Variants in PDE7B observed in about 807,000 individuals in gnomAD.
The protein encoded by PDE7B is 3',5'-cyclic-AMP phosphodiesterase 7B.
PDE7B carries 29 observed loss-of-function variants against 56.2 expected under a neutral mutation model. The observed-to-expected ratio is 0.52, with a 90% confidence interval of 0.38 to 0.70. The LOEUF is 0.70. PDE7B is among the 30% of genes least tolerant of loss of function. PDE7B has a pLI of 0.00. For missense variants in PDE7B, 490 were observed against 565.0 expected, an observed-to-expected ratio of 0.87 and a Z score of 1.35; for synonymous variants, 197 against 196.9, an observed-to-expected ratio of 1.00 and a Z score of 0.00.
chr6:136,020,993 T>C (rs1351540200), intron 2 of PDE7B, among the ~76,000 whole-genome samples: 2 of 152,224 alleles, frequency 1.3e-5, no homozygotes, highest in African/African-American at 4.8e-5. Flanking sequence ...GCTACGTCTT[T>C]CTGATCTATT....
chr6:136,081,815 C>T (rs1370038014), intron 2 of PDE7B, among the ~76,000 whole-genome samples: 1 of 152,190 alleles, frequency 6.6e-6, no homozygotes, highest in East Asian at 1.9e-4. Context: ...CAAACTTCTT[C>T]ATTAGTCCAT....
chr6:136,144,688 A>G lies in PDE7B; in HGVS notation c.167-2663A>G, dbSNP rs1022407751. Among the ~76,000 whole-genome samples, 4 of 140,780 alleles carry G rather than the reference A, an allele frequency of 2.8e-5. No individual in the cohort carries two copies. The East Asian group carries it at 6.5e-4, about 23-fold the overall frequency. 92.4% of individuals were successfully genotyped at this position (140,780 alleles called of 152,430 possible). A position where few individuals can be genotyped will look rare whatever the true frequency, so the allele number is the denominator to read the frequency against. On this transcript the variant is annotated intron_variant, in intron 3 of 12. Coordinates refer to ENST00000308191, the MANE Select transcript of PDE7B (RefSeq NM_018945.4). ...CTCTGGTATTCATTATTATGAAACA[A>G]TACCTAAGGCTGTCTTTGTCTTTCA...
intron 2 of PDE7B, among the ~76,000 whole-genome samples, chr6:136,026,395 G>A (rs905750165): frequency 2.6e-5 from 4 of 152,188 alleles, no homozygotes; most frequent in African/African-American, 9.6e-5. Flanking sequence ...GACCCAGGTG[G>A]CAGTGAAGAT....
chr6:136,087,609 G>T (rs188287427), intron 2 of PDE7B, among the ~76,000 whole-genome samples: 5 of 152,258 alleles, frequency 3.3e-5, no homozygotes, highest in Non-Finnish European at 7.4e-5. Context: ...CATTAACCTA[G>T]ATAAGCAATT....
chr6:136,068,199 G>A (rs1776978853), intron 2 of PDE7B, among the ~76,000 whole-genome samples: 1 of 152,182 alleles, frequency 6.6e-6, no homozygotes. Flanking sequence ...TTGGTTTTGA[G>A]CATTTTAACA....
intron 9 of PDE7B, among the ~76,000 whole-genome samples, chr6:136,174,258 C>G (rs770420009): frequency 6.6e-6 from 1 of 152,090 alleles, no homozygotes; most frequent in Non-Finnish European, 1.5e-5. Context: ...AAGAAGGAAC[C>G]CAGGCATTCT....
chr6:136,128,653 T>C (rs964713682), intron 3 of PDE7B, among the ~76,000 whole-genome samples: 4 of 152,154 alleles, frequency 2.6e-5, no homozygotes, highest in African/African-American at 9.7e-5. Context: ...CTAGGGATTA[T>C]AGGTAAATAA....
In PDE7B at chr6:136,086,935, G is replaced by A. The variant is rs559516976; in HGVS notation, c.83-21796G>A. 3.9e-5 allele frequency among the ~76,000 whole-genome samples: 6 copies of A among 152,266 alleles called. 1 individual carries two copies. The South Asian group carries it at 1.2e-3, about 32-fold the overall frequency. On this transcript the variant is annotated intron_variant, in intron 2 of 12. Transcript: ENST00000308191. Reference sequence around the variant, plus strand: ...GAACGTGCCAATCACCACACAAACTGTGGGCATCGTGCGCCAGATTCTGGG... The same window carrying A: ...GAACGTGCCAATCACCACACAAACTATGGGCATCGTGCGCCAGATTCTGGG...
intron 2 of PDE7B, among the ~76,000 whole-genome samples, chr6:136,100,824 G>C (rs1777549030): frequency 6.6e-6 from 1 of 152,198 alleles, no homozygotes; most frequent in Non-Finnish European, 1.5e-5. Flanking sequence ...AGTGGTGAGA[G>C]AGGGCATCCT....
At chr6:135,972,369 T>C (rs895331039) in intron 2 of PDE7B, among the ~76,000 whole-genome samples, 16 of 151,124 alleles carry the variant, frequency 1.1e-4, no homozygotes, top group Non-Finnish European at 2.2e-4. Flanking sequence ...AAGTCATCCA[T>C]CTTATTTTTT....
intron 2 of PDE7B, among the ~76,000 whole-genome samples, chr6:135,999,924 T>A (rs1339748798): frequency 6.6e-6 from 1 of 152,162 alleles, no homozygotes; most frequent in Non-Finnish European, 1.5e-5. Flanking sequence ...CACCAGCATA[T>A]GTTATTTTTT....
intron 2 of PDE7B, chr6:136,034,647 G>A (rs1209882060): frequency 6.6e-6 from 1 of 152,634 alleles, no homozygotes; most frequent in Admixed American, 6.5e-5. Context: ...GAAGGAGGGG[G>A]GCTAAATTAA....
chr6:136,000,734 C>T (rs895751449), intron 2 of PDE7B, among the ~76,000 whole-genome samples: 4 of 152,202 alleles, frequency 2.6e-5, no homozygotes, highest in East Asian at 3.8e-4. Context: ...GCTAAGGAGG[C>T]CTGCCTGCCT....
chr6:136,140,497 A>G (rs1460058258), intron 3 of PDE7B, among the ~76,000 whole-genome samples: 1 of 152,172 alleles, frequency 6.6e-6, no homozygotes, highest in African/African-American at 2.4e-5. Flanking sequence ...GTTTTTTCCA[A>G]TTCTATGAAG....
intron 2 of PDE7B, among the ~76,000 whole-genome samples, chr6:136,103,544 G>A (rs1439187903): frequency 3.3e-5 from 5 of 152,284 alleles, no homozygotes; most frequent in Admixed American, 2.6e-4. Context: ...TCTTTATTTT[G>A]CAAGTGGTGG....
intron 1 of PDE7B, among the ~76,000 whole-genome samples, chr6:135,922,933 G>T (rs1332997303): frequency 6.6e-6 from 1 of 152,040 alleles, no homozygotes; most frequent in Non-Finnish European, 1.5e-5. Flanking sequence ...TTAGAATTTG[G>T]CTGTGTTCTA....
intron 2 of PDE7B, among the ~76,000 whole-genome samples, chr6:136,003,028 G>C (rs1255227410): frequency 6.6e-6 from 1 of 151,620 alleles, no homozygotes; most frequent in Non-Finnish European, 1.5e-5. Context: ...AATCAAACTA[G>C]AACTCAGGAT....
chr6:136,082,895 A>T (rs1238016820), intron 2 of PDE7B, among the ~76,000 whole-genome samples: 1 of 152,272 alleles, frequency 6.6e-6, no homozygotes, highest in Non-Finnish European at 1.5e-5. Flanking sequence ...ACGAGAAAAA[A>T]ATAGTTGAAA....
At position 136,047,445 on chromosome 6, in the gene PDE7B, T is replaced by C. The variant is rs143191078; in HGVS notation, c.83-61286T>C. ...ACTGCTTAAATGTGCTAATTGGAAATTCTGAGAGCTCTTCTCCTCCTTTCT... is the reference window on the plus strand; with the variant it reads ...ACTGCTTAAATGTGCTAATTGGAAACTCTGAGAGCTCTTCTCCTCCTTTCT... On this transcript the variant is annotated intron_variant, in intron 2 of 12. Transcript: ENST00000308191. 1.1e-4 allele frequency: 16 copies of C among 152,336 alleles called. No homozygotes were observed. The East Asian group carries it at 3.1e-3, about 29-fold the overall frequency. The allele number at this position is 152,336 out of a possible 1,614,324, so 9.4% of individuals were successfully genotyped here.
Sources: allele counts gnomAD v4.1 joint callset (sites outside exome capture counted in the v4.1 genomes callset), GRCh38; gene constraint gnomAD v4.1.1; transcripts MANE v1.5; gene names NCBI Gene and HGNC (gene_info 2026-07-23, HGNC 2026-07-21).